Variants in SETBP1 observed in about 807,000 individuals in gnomAD.
SETBP1 encodes the protein SET binding protein 1, also known as SET-binding protein.
A neutral mutation model predicts 101.0 loss-of-function variants in SETBP1; 9 were observed. The ratio of observed to expected loss-of-function variants is 0.09; its 90% CI spans 0.05 to 0.16. SETBP1 has a LOEUF of 0.16. SETBP1 is among the 10% of genes least tolerant of loss of function. SETBP1 has a pLI of 1.00. For missense variants in SETBP1, 1,858 were observed against 2,033.8 expected (o/e 0.91, Z 1.66); for synonymous variants, 818 against 788.5 (o/e 1.04, Z -0.63).
intron 4 of SETBP1, among the ~76,000 whole-genome samples, chr18:45,032,270 G>A (rs1045767924): frequency 5.3e-5 from 8 of 152,088 alleles, no homozygotes; most frequent in African/African-American, 1.4e-4. Context: ...AGGACTCGTT[G>A]GACATCCTTC....
rs894320692 is a variant in SETBP1, at chr18:45,008,070, C to T, written c.4001-30415C>T. On this transcript the variant is annotated intron_variant, in intron 4 of 5. Coordinates refer to ENST00000649279, the MANE Select transcript of SETBP1 (RefSeq NM_015559.3). The stretch of plus-strand genomic sequence containing the variant: ...CTCCCAGGACTTCCAAAGAAATCAA[C>T]AGCCCTCCAGTATATGCTAATGCAA... Among the ~76,000 whole-genome samples, 20 of 152,316 alleles carry T rather than the reference C, an allele frequency of 1.3e-4. No individual in the cohort carries two copies. The East Asian group carries it at 3.7e-3, about 28-fold the overall frequency.
chr18:44,788,354 T>C (rs2071289803), intron 2 of SETBP1, among the ~76,000 whole-genome samples: 1 of 152,170 alleles, frequency 6.6e-6, no homozygotes, highest in South Asian at 2.1e-4. Context: ...TTCTGATACA[T>C]TTGCAAATTA....
chr18:44,861,229 CTTTTTTTTTTTTT>C lies in SETBP1; in HGVS notation c.487-7986_487-7974del, dbSNP rs775284488. 6.6e-4 allele frequency among the ~76,000 whole-genome samples: 58 copies of C among 88,340 alleles called. 1 individual carries two copies. The highest frequency in any genetic ancestry group is 2.5e-3 in the African/African-American group (56 of 22,826). The allele number at this position is 88,340 out of a possible 152,430, so 58.0% of individuals were successfully genotyped here. A position where few individuals can be genotyped will look rare whatever the true frequency, so the allele number is the denominator to read the frequency against. Reference sequence around the variant, plus strand: ...GTCTTGTGGATTTCCTTTTTCTTTTCTTTTTTTTTTTTTTTTTTTTTTTTTTTGAGACGGAATC... The same window carrying C: ...GTCTTGTGGATTTCCTTTTTCTTTTCTTTTTTTTTTTTTTGAGACGGAATC... On this transcript the variant is annotated intron_variant, in intron 2 of 5. Coordinates refer to ENST00000649279, the MANE Select transcript of SETBP1 (RefSeq NM_015559.3).
At chr18:44,916,405 A>G (rs890300948) in intron 3 of SETBP1, among the ~76,000 whole-genome samples, 1 of 152,178 alleles carries the variant, frequency 6.6e-6, no homozygotes, top group Non-Finnish European at 1.5e-5. Context: ...CCCATAGAGG[A>G]CAATCTTTTG....
rs763776628 is a variant in SETBP1 at position 44,950,829 on chromosome 18, C to T, written c.1489C>T (p.Pro497Ser). Residue 497 changes from proline (P) to serine (S), a missense_variant, in exon 4 of 6, where the codon CCG becomes TCG. Transcript: ENST00000649279. ...AGTTATCCCAGGAGGTGTGTCTAAG[C>T]CGCGGAAGCCACCCATGGTCATGAC... ...EKVIPGGVSK[P>S]RKPPMVMTPP... is the part of the protein sequence containing the mutation. The T allele has an allele frequency of 1.2e-6, 2 of 1,614,142 alleles. No individual in the cohort carries two copies. Among genetic ancestry groups the T allele is most frequent in the Non-Finnish European group, 1.7e-6 (2 of 1,180,008 alleles).
chr18:44,927,645 T>C (rs1370375339), intron 3 of SETBP1, among the ~76,000 whole-genome samples: 1 of 152,160 alleles, frequency 6.6e-6, no homozygotes, highest in African/African-American at 2.4e-5. Flanking sequence ...AATCAAAATG[T>C]GGCAGTAACC....
chr18:44,711,025 C>T (rs774345210), intron 2 of SETBP1, among the ~76,000 whole-genome samples: 26 of 152,190 alleles, frequency 1.7e-4, no homozygotes, highest in South Asian at 4.2e-4. Flanking sequence ...AGCCACGCCA[C>T]GTCGTATGAA....
chr18:45,052,687 G>A (rs72896886), intron 5 of SETBP1, among the ~76,000 whole-genome samples: 6 of 152,042 alleles, frequency 3.9e-5, no homozygotes, highest in South Asian at 2.1e-4. Context: ...GGAGAAAGTC[G>A]AAAGCAATTG....
chr18:44,840,059 G>T (rs2072585317), intron 2 of SETBP1, among the ~76,000 whole-genome samples: 1 of 152,176 alleles, frequency 6.6e-6, no homozygotes, highest in African/African-American at 2.4e-5. Context: ...CCCCAGAAGA[G>T]GCCTGTGCAT....
intron 2 of SETBP1, among the ~76,000 whole-genome samples, chr18:44,730,119 T>C (rs1457866485): frequency 6.6e-6 from 1 of 152,228 alleles, no homozygotes; most frequent in Non-Finnish European, 1.5e-5. Context: ...GCCCTTGTTA[T>C]ATGGGTAGCA....
At chr18:44,694,234 C>T (rs1440220141) in intron 1 of SETBP1, among the ~76,000 whole-genome samples, 1 of 152,160 alleles carries the variant, frequency 6.6e-6, no homozygotes, top group Non-Finnish European at 1.5e-5. Context: ...ACACTCCCAC[C>T]ATGGCTGAGC....
rs536020776 is a variant in SETBP1, at chr18:44,906,124, G to C, written c.540+36841G>C. 9.5e-4 allele frequency among the ~76,000 whole-genome samples: 145 copies of C among 152,300 alleles called. 2 individuals are homozygous for C. The highest frequency in any genetic ancestry group is 5.6e-3 in the Admixed American group (85 of 15,292). On this transcript the variant is annotated intron_variant, in intron 3 of 5. Transcript: ENST00000649279. ...CAGATAGCCAGGCGTTATGTGGATA[G>C]GTTCACTAATACCAAGTAAAGACTC... is the stretch of plus-strand genomic sequence containing the variant.
intron 2 of SETBP1, among the ~76,000 whole-genome samples, chr18:44,743,876 G>C (rs1297820171): frequency 6.6e-6 from 1 of 152,224 alleles, no homozygotes; most frequent in Non-Finnish European, 1.5e-5. Flanking sequence ...TGAGTGTAAA[G>C]ATGTCACTGA....
chr18:44,996,725 G>A (rs1045379241), intron 4 of SETBP1, among the ~76,000 whole-genome samples: 11 of 152,226 alleles, frequency 7.2e-5, no homozygotes, highest in African/African-American at 2.7e-4. Context: ...CCTGAGAGGT[G>A]AAATGAGTCT....
chr18:44,781,135 G>A, intron 2 of SETBP1, among the ~76,000 whole-genome samples: 1 of 152,120 alleles, frequency 6.6e-6, no homozygotes, highest in Admixed American at 6.5e-5. Context: ...ATGTTAGGTA[G>A]GGGTCTTCCC....
At chr18:44,837,994 G>C (rs1418093633) in intron 2 of SETBP1, among the ~76,000 whole-genome samples, 1 of 152,132 alleles carries the variant, frequency 6.6e-6, no homozygotes, top group Non-Finnish European at 1.5e-5. Context: ...AATTCTCAGG[G>C]CTCGTTCCCA....
chr18:44,772,504 A>G (rs140722317), intron 2 of SETBP1, among the ~76,000 whole-genome samples: 122 of 152,242 alleles, frequency 8.0e-4, no homozygotes, highest in African/African-American at 2.9e-3. Flanking sequence ...GGAGAGGAAC[A>G]TTCTTGGCTC....
At chr18:44,892,135 G>T (rs1282661121) in intron 3 of SETBP1, among the ~76,000 whole-genome samples, 2 of 152,132 alleles carry the variant, frequency 1.3e-5, no homozygotes, top group African/African-American at 4.8e-5. Flanking sequence ...GAGGAGTGAG[G>T]AGTTTATTTG....
intron 5 of SETBP1, among the ~76,000 whole-genome samples, chr18:45,047,783 G>A (rs139108841): frequency 1.3e-5 from 2 of 152,286 alleles, no homozygotes; most frequent in Non-Finnish European, 2.9e-5. Context: ...AGACAGAGAA[G>A]AGGCATGGAG....
Sources: allele counts gnomAD v4.1 joint callset (sites outside exome capture counted in the v4.1 genomes callset), GRCh38; gene constraint gnomAD v4.1.1; transcripts MANE v1.5; gene names NCBI Gene and HGNC (gene_info 2026-07-23, HGNC 2026-07-21).